MSRA: variants seen among roughly 807,000 people sequenced by gnomAD.
MSRA encodes methionine sulfoxide reductase A.
MSRA carries 54 observed loss-of-function variants against 31.3 expected under a neutral mutation model. The observed-to-expected ratio is 1.73, with a 90% confidence interval of 1.39 to 2.17. The LOEUF is 2.17. Among genes scored for constraint, MSRA ranks in the 30% most tolerant of loss-of-function variants. The pLI, the probability that MSRA is intolerant of heterozygous loss-of-function variation, is 0.00. For synonymous variants in MSRA, 169 were observed against 116.5 expected, an observed-to-expected ratio of 1.45 and a Z score of -2.90; for missense variants, 507 against 300.9, an observed-to-expected ratio of 1.69 and a Z score of -5.07.
intron 3 of MSRA, among the ~76,000 whole-genome samples, chr8:10,292,164 A>G (rs1235967383): frequency 2.6e-5 from 4 of 152,258 alleles, no homozygotes; most frequent in Non-Finnish European, 5.9e-5. Context: ...GGTTAGGGAC[A>G]GAGGGTTGGA....
At chr8:10,115,744 C>T (rs867784150) in intron 1 of MSRA, among the ~76,000 whole-genome samples, 2 of 152,170 alleles carry the variant, frequency 1.3e-5, no homozygotes, top group Non-Finnish European at 2.9e-5. Context: ...GGAGGATACA[C>T]TGGTCCCGCA....
At chr8:10,071,458 C>CTTTTTTTTTTTTT (rs77512999) in intron 1 of MSRA, among the ~76,000 whole-genome samples, 4 of 129,264 alleles carry the variant, frequency 3.1e-5, no homozygotes, top group Non-Finnish European at 4.9e-5. Flanking sequence ...TTTTAATTTT[C>CTTTTTTTTTTTTT]TTTTTTTTTT....
At chr8:10,352,064 A>T (rs1483666021) in intron 5 of MSRA, among the ~76,000 whole-genome samples, 1 of 152,184 alleles carries the variant, frequency 6.6e-6, no homozygotes, top group Non-Finnish European at 1.5e-5. Flanking sequence ...GAGTTTGGAG[A>T]AGAGAGAAAT....
At chr8:10,122,343 C>T (rs541232747) in intron 1 of MSRA, among the ~76,000 whole-genome samples, 1 of 152,274 alleles carries the variant, frequency 6.6e-6, no homozygotes, top group African/African-American at 2.4e-5. Flanking sequence ...TGAGGATCAG[C>T]AGAAAGGAGC....
intron 1 of MSRA, among the ~76,000 whole-genome samples, chr8:10,059,725 T>C (rs1585061808): frequency 6.6e-6 from 1 of 152,250 alleles, no homozygotes; most frequent in African/African-American, 2.4e-5. Context: ...TGGTAAATAG[T>C]TGCAATTCAT....
At chr8:10,307,165 G>T (rs1218987537) in intron 4 of MSRA, among the ~76,000 whole-genome samples, 1 of 92,346 alleles carries the variant, frequency 1.1e-5, no homozygotes, top group African/African-American at 4.2e-5. Flanking sequence ...TTCTAAGGAT[G>T]CACATTTTTT....
At chr8:10,071,996 G>A (rs1034111653) in intron 1 of MSRA, among the ~76,000 whole-genome samples, 38 of 152,144 alleles carry the variant, frequency 2.5e-4, no homozygotes, top group African/African-American at 8.2e-4. Flanking sequence ...CTGCCCGTAC[G>A]GGGTGGTCTG....
intron 1 of MSRA, among the ~76,000 whole-genome samples, chr8:10,133,354 C>T (rs1222027473): frequency 6.6e-5 from 10 of 152,192 alleles, no homozygotes; most frequent in Non-Finnish European, 1.2e-4. Context: ...GGGTGCTCTG[C>T]CTCCTGGACT....
At chr8:10,062,177 C>T (rs896447951) in intron 1 of MSRA, among the ~76,000 whole-genome samples, 3 of 152,170 alleles carry the variant, frequency 2.0e-5, no homozygotes, top group Admixed American at 1.3e-4. Context: ...GTCCCAGCAG[C>T]GTGCCATCAA....
chr8:10,107,443 C>T (rs997876966), intron 1 of MSRA, among the ~76,000 whole-genome samples: 4 of 152,064 alleles, frequency 2.6e-5, no homozygotes, highest in Admixed American at 1.3e-4. Flanking sequence ...TTGTGGTACT[C>T]GTACTCAGTG....
At chr8:10,166,855 C>G (rs1470252720) in intron 1 of MSRA, among the ~76,000 whole-genome samples, 4 of 152,166 alleles carry the variant, frequency 2.6e-5, no homozygotes, top group African/African-American at 4.8e-5. Context: ...CTGGAAGCAT[C>G]TTAGCATCAT....
intron 5 of MSRA, among the ~76,000 whole-genome samples, chr8:10,333,811 C>T (rs903066351): frequency 6.6e-6 from 1 of 151,832 alleles, no homozygotes; most frequent in African/African-American, 2.4e-5. Context: ...TCCACCCCAC[C>T]CCCCCCACGC....
intron 5 of MSRA, among the ~76,000 whole-genome samples, chr8:10,379,290 G>A (rs1442152614): frequency 1.3e-5 from 2 of 151,514 alleles, no homozygotes; most frequent in African/African-American, 4.9e-5. Context: ...GTGATCCAAA[G>A]AAGATTGCTT....
chr8:10,140,180 C>G (rs887975212), intron 1 of MSRA, among the ~76,000 whole-genome samples: 1 of 152,138 alleles, frequency 6.6e-6, no homozygotes, highest in South Asian at 2.1e-4. Flanking sequence ...GAGGGATACT[C>G]AGCAAGTCCT....
intron 1 of MSRA, among the ~76,000 whole-genome samples, chr8:10,198,952 A>G (rs553245119): frequency 6.3e-4 from 96 of 152,372 alleles, no homozygotes; most frequent in African/African-American, 2.2e-3. Context: ...AAGCCTGGTC[A>G]GTGCTCGGCA....
chr8:10,397,504 T>C (rs1807169324), intron 5 of MSRA, among the ~76,000 whole-genome samples: 2 of 152,196 alleles, frequency 1.3e-5, no homozygotes, highest in South Asian at 4.1e-4. Flanking sequence ...GCCTGTGCTC[T>C]TCTTTGGGAG....
Position 10,404,005 on chromosome 8 carries a change from G to A in MSRA, c.544-24143G>A, listed in dbSNP as rs116146149. Among the ~76,000 whole-genome samples the A allele has an allele frequency of 5.2e-3, 799 of 152,314 alleles. 10 individuals carry two copies. The highest frequency in any genetic ancestry group is 0.018 in the African/African-American group (747 of 41,572). ...ATTAAAATGTGTTGGGCGGGGGACT[G>A]TTGCTCACTGTAGGAAAGATTTCTC... On this transcript the variant is annotated intron_variant, in intron 5 of 5. Transcript: ENST00000317173.
chr8:10,147,668 G>T (rs1803263719), intron 1 of MSRA, among the ~76,000 whole-genome samples: 2 of 152,156 alleles, frequency 1.3e-5, no homozygotes, highest in African/African-American at 4.8e-5. Flanking sequence ...ACTGCTCTTG[G>T]CATGGCCATC....
chr8:10,119,091 C>A (rs536808723), intron 1 of MSRA, among the ~76,000 whole-genome samples: 2 of 152,156 alleles, frequency 1.3e-5, no homozygotes, highest in African/African-American at 4.8e-5. Flanking sequence ...GTCTTTTAGC[C>A]TTCTGTATAT....
Sources: allele counts gnomAD v4.1 joint callset (sites outside exome capture counted in the v4.1 genomes callset), GRCh38; gene constraint gnomAD v4.1.1; transcripts MANE v1.5; gene names NCBI Gene and HGNC (gene_info 2026-07-23, HGNC 2026-07-21).